The following FKBP4 variants were observed in gnomAD, a reference collection of about 807,000 sequenced individuals.
FKBP4 encodes the protein peptidyl-prolyl cis-trans isomerase FKBP4.
FKBP4 carries 28 observed loss-of-function variants against 54.1 expected under a neutral mutation model. The ratio of observed to expected loss-of-function variants is 0.52; its 90% confidence interval spans 0.38 to 0.71. The LOEUF (loss-of-function observed/expected upper bound fraction) is 0.71, where lower values mean the gene tolerates loss of function less well. Among genes scored for constraint, FKBP4 ranks in the 30% least tolerant of loss-of-function variants. FKBP4 has a pLI of 0.00. For missense variants in FKBP4, 493 were observed against 574.4 expected, an observed-to-expected ratio of 0.86 and a Z score of 1.45; for synonymous variants, 223 against 216.1, an observed-to-expected ratio of 1.03 and a Z score of -0.28.
intron 9 of FKBP4, among the ~76,000 whole-genome samples, chr12:2,802,729 T>C (rs1178671126): frequency 6.6e-6 from 1 of 152,160 alleles, no homozygotes; most frequent in Non-Finnish European, 1.5e-5. Flanking sequence ...ACAAGTGTTC[T>C]GTTTTGTTTT....
At chr12:2,796,376 C>T in intron 1 of FKBP4, 2 of 1,289,194 alleles carry the variant, frequency 1.6e-6, no homozygotes, top group Non-Finnish European at 2.0e-6. Context: ...CAGGAAAGCT[C>T]ATTTCCCCTT....
rs2097901947 is a variant in FKBP4, at chr12:2,796,521, C to T, written c.106-617C>T. 5.1e-6 allele frequency: 5 copies of T among 985,466 alleles called. No homozygotes were observed. The South Asian group carries it at 1.4e-4, about 28-fold the overall frequency. 61.0% of individuals were successfully genotyped at this position (985,466 alleles called of 1,614,324 possible). On this transcript the variant is annotated intron_variant, in intron 1 of 9. Coordinates refer to ENST00000001008, the MANE Select transcript of FKBP4 (RefSeq NM_002014.4). ...GAAGCCTTTACGTTTCTGGGAAATA[C>T]TCCAGCCCTGGACTAACTACCAGAG... is the stretch of plus-strand genomic sequence containing the variant.
chr12:2,803,053 T>G (rs1014174051), intron 9 of FKBP4, 98 bp from the exon 10 acceptor site: 3 of 856,378 alleles, frequency 3.5e-6, no homozygotes, highest in Non-Finnish European at 5.7e-6. Flanking sequence ...TTAGGACAGA[T>G]GTAGGAGAAT....
In FKBP4 at chr12:2,805,409, G is replaced by A. The variant is rs2097906926; in HGVS notation, c.*2151G>A. 3.8e-6 allele frequency: 1 copy of A among 261,202 alleles called. No homozygotes were observed. The highest frequency in any genetic ancestry group is 3.7e-5 in the South Asian group (1 of 27,344). The allele number at this position is 261,202 out of a possible 1,614,324, so 16.2% of individuals were successfully genotyped here. A position where few individuals can be genotyped will look rare whatever the true frequency, so the allele number is the denominator to read the frequency against. Reference sequence around the variant, plus strand: ...TGTAACATTAAAACTGTCTAGTGAGGATGTTTTGTTAAAATGCCTACAAGT... The same window carrying A: ...TGTAACATTAAAACTGTCTAGTGAGAATGTTTTGTTAAAATGCCTACAAGT... On this transcript the variant is annotated 3_prime_UTR_variant, in exon 10 of 10. Coordinates refer to ENST00000001008, the MANE Select transcript of FKBP4 (RefSeq NM_002014.4).
intron 6 of FKBP4, 27 bp from the exon 7 acceptor site, chr12:2,800,012 C>G (rs1204418466): frequency 1.2e-6 from 2 of 1,614,022 alleles, no homozygotes; most frequent in Admixed American, 1.7e-5. Context: ...TAGCTGACAA[C>G]TTTGTTTCTC....
chr12:2,797,250 G>A lies in FKBP4; in HGVS notation c.218G>A (p.Arg73His), dbSNP rs774772140. Reference protein sequence around the residue: ...DGTKFDSSLDRKDKFSFDLGK... With the variant: ...DGTKFDSSLDHKDKFSFDLGK... Reference sequence around the variant, plus strand: ...ACAAAGTTTGACTCCAGTCTGGATCGCAAGGACAAATTCTCCTTTGACCTG... The same window carrying A: ...ACAAAGTTTGACTCCAGTCTGGATCACAAGGACAAATTCTCCTTTGACCTG... The change falls in exon 2 of 10, where the codon CGC (arginine) becomes CAC (histidine). Residue 73 changes from arginine to histidine, a missense_variant. Arg to His is a conservative substitution (Grantham distance 29). Coordinates refer to ENST00000001008, the MANE Select transcript of FKBP4 (RefSeq NM_002014.4). 1.4e-5 allele frequency: 23 copies of A among 1,613,798 alleles called. No individual in the cohort carries two copies. The highest frequency in any genetic ancestry group is 2.7e-5 in the African/African-American group (2 of 74,904).
chr12:2,798,018 T>C lies in FKBP4; in HGVS notation c.393+147T>C, dbSNP rs754990880. On this transcript the variant is annotated intron_variant, in intron 3 of 9. Transcript: ENST00000001008. This position sits in a 1 kb window ranked among gnomAD's most constrained non-coding sequence, Gnocchi z 4.3. ...TTATGGGAGGAGAAATGCAGAGGGC[T>C]CTGCTGCTGCTAGTAATGGAAGTAA... The C allele has an allele frequency of 1.2e-4, 114 of 977,398 alleles. No homozygotes were observed. Among genetic ancestry groups the C allele is most frequent in the Non-Finnish European group, 1.6e-4 (107 of 668,794 alleles). 60.5% of individuals were successfully genotyped at this position (977,398 alleles called of 1,614,324 possible). A position where few individuals can be genotyped will look rare whatever the true frequency, so the allele number is the denominator to read the frequency against.
rs2097902360 is a variant in FKBP4 at position 2,797,243 on chromosome 12, C to G, written c.211C>G (p.Leu71Val). 6.2e-7 allele frequency: 1 copy of G among 1,613,944 alleles called. No individual in the cohort carries two copies. Among genetic ancestry groups the G allele is most frequent in the Non-Finnish European group, 8.5e-7 (1 of 1,179,866 alleles). ...AGATGGCACAAAGTTTGACTCCAGTCTGGATCGCAAGGACAAATTCTCCTT... is the reference window on the plus strand; with the variant it reads ...AGATGGCACAAAGTTTGACTCCAGTGTGGATCGCAAGGACAAATTCTCCTT... ...LLDGTKFDSSLDRKDKFSFDL... is the reference protein window; with the variant it reads ...LLDGTKFDSSVDRKDKFSFDL... Residue 71 changes from leucine (L) to valine (V), a missense_variant, in exon 2 of 10, where the codon CTG becomes GTG. By Grantham distance (32) the Leu-to-Val change is conservative (BLOSUM62 1). Transcript: ENST00000001008.
intron 4 of FKBP4, 37 bp from the exon 5 acceptor site, chr12:2,799,051 C>G (rs902238548): frequency 2.5e-5 from 38 of 1,522,070 alleles, no homozygotes; most frequent in Non-Finnish European, 3.3e-5. Flanking sequence ...CACCTGCCCT[C>G]TTACAACTCT....
rs142773087 is a variant in FKBP4, at chr12:2,802,255, G to A, written c.1273-896G>A. Among the ~76,000 whole-genome samples, 474 of 151,892 alleles carry A rather than the reference G, an allele frequency of 3.1e-3. 2 individuals carry two copies. The highest frequency in any genetic ancestry group is 0.011 in the African/African-American group (446 of 41,424). The stretch of plus-strand genomic sequence containing the variant: ...TGGGTTCAAGCGATTCTCCTGCCTC[G>A]GCCTCCCGAGTAGCTGGGATTACAG... On this transcript the variant is annotated intron_variant, in intron 9 of 9. Transcript: ENST00000001008.
chr12:2,795,033 C>A lies in FKBP4; in HGVS notation c.-107C>A, dbSNP rs1456899232. 2 of 568,554 alleles carry A rather than the reference C, an allele frequency of 3.5e-6. No homozygotes were observed. Among genetic ancestry groups the A allele is most frequent in the East Asian group, 4.1e-5 (1 of 24,114 alleles). The allele number at this position is 568,554 out of a possible 1,614,324, so 35.2% of individuals were successfully genotyped here. ...GCCTCCTCGCGGTCCGCAGTCAGTGCCGCCGCGCCCGGCCTCCCGCACGCC... is the reference window on the plus strand; with the variant it reads ...GCCTCCTCGCGGTCCGCAGTCAGTGACGCCGCGCCCGGCCTCCCGCACGCC... On this transcript the variant is annotated 5_prime_UTR_variant, in exon 1 of 10. Transcript: ENST00000001008. The surrounding 1 kb of genome is among the most constrained non-coding windows in gnomAD (Gnocchi z 4.3).
chr12:2,804,987 G>C lies in FKBP4; in HGVS notation c.*1729G>C, dbSNP rs764814680. 1.3e-5 allele frequency: 4 copies of C among 306,728 alleles called. No homozygotes were observed. The highest frequency in any genetic ancestry group is 2.6e-5 in the Non-Finnish European group (4 of 155,834). 19.0% of individuals were successfully genotyped at this position (306,728 alleles called of 1,614,324 possible). A position where few individuals can be genotyped will look rare whatever the true frequency, so the allele number is the denominator to read the frequency against. On this transcript the variant is annotated 3_prime_UTR_variant, in exon 10 of 10. Coordinates refer to ENST00000001008, the MANE Select transcript of FKBP4 (RefSeq NM_002014.4). ...CATCACAGCCCTGTGTTTGTGGTTTGTGTCTGGGTCCTCTTGGTATTTCAA... is the reference window on the plus strand; with the variant it reads ...CATCACAGCCCTGTGTTTGTGGTTTCTGTCTGGGTCCTCTTGGTATTTCAA...
rs750000691 is a variant in FKBP4 at position 2,795,275 on chromosome 12, G to C, written c.105+31G>C. 4 of 1,199,378 alleles carry C rather than the reference G, an allele frequency of 3.3e-6. No individual in the cohort carries two copies. Among genetic ancestry groups the C allele is most frequent in the Non-Finnish European group, 3.2e-6 (3 of 944,822 alleles). The allele number at this position is 1,199,378 out of a possible 1,614,324, so 74.3% of individuals were successfully genotyped here. A position where few individuals can be genotyped will look rare whatever the true frequency, so the allele number is the denominator to read the frequency against. ...GGGCGGCGGGGCCTGCGGAGGCGTCGGAACCCGGGGCCCCGCGGGCCGCCC... is the reference window on the plus strand; with the variant it reads ...GGGCGGCGGGGCCTGCGGAGGCGTCCGAACCCGGGGCCCCGCGGGCCGCCC... On this transcript the variant is annotated intron_variant, in intron 1 of 9. Transcript: ENST00000001008. The surrounding 1 kb of genome is among the most constrained non-coding windows in gnomAD (Gnocchi z 4.3).
In FKBP4 at chr12:2,803,714, A is replaced by C. The variant is rs1456737313; in HGVS notation, c.*456A>C. The C allele has an allele frequency of 6.3e-6, 1 of 158,662 alleles. No individual in the cohort carries two copies. Among genetic ancestry groups the C allele is most frequent in the African/African-American group, 2.4e-5 (1 of 41,632 alleles). The allele number at this position is 158,662 out of a possible 1,614,324, so 9.8% of individuals were successfully genotyped here. On this transcript the variant is annotated 3_prime_UTR_variant, in exon 10 of 10. Transcript: ENST00000001008. ...TAGGGACATGGGAAAAACCACTGCT[A>C]TGCCATTTCTTCTCTCTGTTCCCTT... is the stretch of plus-strand genomic sequence containing the variant.
Position 2,798,262 on chromosome 12 carries a change from A to G in FKBP4, c.393+391A>G, listed in dbSNP as rs1025042951. Among the ~76,000 whole-genome samples the G allele has an allele frequency of 1.3e-5, 2 of 152,230 alleles. No individual in the cohort carries two copies. The highest frequency in any genetic ancestry group is 4.8e-5 in the African/African-American group (2 of 41,474). ...GCTCCCCTGTGGGTCAAGGGCTGAG[A>G]AAAGGCTTCACTGAGGAGATAGAAC... On this transcript the variant is annotated intron_variant, in intron 3 of 9. Transcript: ENST00000001008. The surrounding 1 kb of genome is among the most constrained non-coding windows in gnomAD (Gnocchi z 4.3).
intron 1 of FKBP4, chr12:2,796,783 A>C: frequency 9.3e-7 from 1 of 1,075,688 alleles, no homozygotes; most frequent in African/African-American, 1.7e-5. Context: ...TCTATTATTC[A>C]ACCTTTTACT....
rs183879163 is a variant in FKBP4, at chr12:2,798,886, T to G, written c.514+60T>G. The G allele has an allele frequency of 6.3e-7, 1 of 1,582,348 alleles. No individual in the cohort carries two copies. The highest frequency in any genetic ancestry group is 8.7e-7 in the Non-Finnish European group (1 of 1,152,830). On this transcript the variant is annotated intron_variant, in intron 4 of 9. Coordinates refer to ENST00000001008, the MANE Select transcript of FKBP4 (RefSeq NM_002014.4). This position sits in a 1 kb window ranked among gnomAD's most constrained non-coding sequence, Gnocchi z 4.3. ...TCTGATATTTAGGCCTTGTGTGGCT[T>G]TGGGCAAGACACTTCCGTTCTCCGA...
At chr12:2,801,718 C>T (rs763855767) in intron 9 of FKBP4, 21 of 397,854 alleles carry the variant, frequency 5.3e-5, no homozygotes, top group South Asian at 3.6e-4. Context: ...GGCACCACTG[C>T]ACCCCAGCCT....
At position 2,800,405 on chromosome 12, in the gene FKBP4, A is replaced by G; in HGVS notation, c.860A>G (p.Lys287Arg). The change falls in exon 8 of 10, where the codon AAG becomes AGG. Residue 287 changes from lysine (K) to arginine (R), a missense_variant. Lys to Arg is a conservative substitution (Grantham distance 26). Transcript: ENST00000001008. ...GTVYFKEGKY[K>R]QALLQYKKIV... is the part of the protein sequence containing the mutation. ...CTCCCATTCCAGGAAGGTAAATACA[A>G]GCAAGCTTTACTACAGTATAAGAAG... 1 of 1,611,034 alleles carries G rather than the reference A, an allele frequency of 6.2e-7. No homozygotes were observed. The highest frequency in any genetic ancestry group is 8.5e-7 in the Non-Finnish European group (1 of 1,178,544).
Sources: allele counts gnomAD v4.1 joint callset (sites outside exome capture counted in the v4.1 genomes callset), GRCh38; gene constraint gnomAD v4.1.1; non-coding constraint Gnocchi (gnomAD v3.1); transcripts MANE v1.5; gene names NCBI Gene and HGNC (gene_info 2026-07-23, HGNC 2026-07-21).